HECTD2: variants seen among roughly 807,000 people sequenced by gnomAD.
HECTD2 encodes probable E3 ubiquitin-protein ligase HECTD2.
In HECTD2, 35 loss-of-function variants were observed where a neutral mutation model predicts 103.2. That is an observed-to-expected ratio of 0.34 (90% confidence interval 0.26 to 0.45). The LOEUF is 0.45. HECTD2 is among the 20% of genes least tolerant of loss of function. The pLI, the probability that HECTD2 is intolerant of heterozygous loss-of-function variation, is 1.00. For missense variants in HECTD2, 596 were observed against 937.4 expected (o/e 0.64, Z 4.76); for synonymous variants, 281 against 329.9 (o/e 0.85, Z 1.61).
At chr10:91,410,655 G>C in intron 1 of HECTD2, 79 bp downstream of exon 1, 1 of 1,272,088 alleles carries the variant, frequency 7.9e-7, no homozygotes, top group Non-Finnish European at 1.0e-6. Flanking sequence ...GGGCCGTCAG[G>C]AGGCCTGCGT....
At chr10:91,421,987 T>C (rs1489126243) in intron 1 of HECTD2, among the ~76,000 whole-genome samples, 6 of 152,184 alleles carry the variant, frequency 3.9e-5, no homozygotes, top group Non-Finnish European at 5.9e-5. Flanking sequence ...TATTACTATC[T>C]CTATTCAAAT....
In HECTD2 at chr10:91,482,971, C is replaced by A; in HGVS notation, c.716C>A (p.Pro239His). ...TATCTTTAATATCTTTTTCAGAATC[C>A]TCAGTTTAATAACACATCTACGTAT... is the stretch of plus-strand genomic sequence containing the variant. ...LRAYFILLQN[P>H]QFNNTSTYVI... The change falls in exon 8 of 21, where the codon CCT becomes CAT. Residue 239 changes from proline to histidine, a missense_variant. Around this residue, in one of 4 missense-constraint regions of HECTD2, gnomAD observed 303 missense variants for 522.5 expected, o/e 0.58. Transcript: ENST00000298068. 1 of 1,431,770 alleles carries A rather than the reference C, an allele frequency of 7.0e-7. No individual in the cohort carries two copies. Among genetic ancestry groups the A allele is most frequent in the South Asian group, 1.2e-5 (1 of 80,542 alleles). 88.7% of individuals were successfully genotyped at this position (1,431,770 alleles called of 1,614,324 possible). A position where few individuals can be genotyped will look rare whatever the true frequency, so the allele number is the denominator to read the frequency against.
intron 6 of HECTD2, among the ~76,000 whole-genome samples, chr10:91,479,665 A>G (rs534210187): frequency 3.9e-5 from 6 of 152,276 alleles, no homozygotes; most frequent in Admixed American, 2.6e-4. Context: ...TTCTTTTCTG[A>G]GCATTTATGT....
chr10:91,424,655 T>C (rs1351308326), intron 1 of HECTD2, among the ~76,000 whole-genome samples: 3 of 152,122 alleles, frequency 2.0e-5, no homozygotes, highest in Non-Finnish European at 4.4e-5. Flanking sequence ...TGTTATTTTG[T>C]GAAAGATGTG....
intron 5 of HECTD2, among the ~76,000 whole-genome samples, chr10:91,475,122 T>C (rs1410445083): frequency 2.0e-5 from 3 of 152,218 alleles, no homozygotes; most frequent in Non-Finnish European, 4.4e-5. Flanking sequence ...ATTGAGTGTT[T>C]TCGGCAGGGA....
At chr10:91,489,831 G>A (rs1846400120) in intron 11 of HECTD2, 2 of 152,142 alleles carry the variant, frequency 1.3e-5, no homozygotes, top group South Asian at 4.1e-4. Flanking sequence ...GCCTTAAATT[G>A]TAGATTTGTG....
intron 14 of HECTD2, among the ~76,000 whole-genome samples, 177 bp downstream of exon 14, chr10:91,493,685 A>C (rs561172027): frequency 6.6e-6 from 1 of 152,146 alleles, no homozygotes; most frequent in East Asian, 1.9e-4. Flanking sequence ...AGTAGACTTA[A>C]TTGAAAGAAA....
At position 91,496,289 on chromosome 10, in the gene HECTD2, A is replaced by C; in HGVS notation, c.1597A>C (p.Ser533Arg). 6.2e-7 allele frequency: 1 copy of C among 1,610,966 alleles called. No homozygotes were observed. The highest frequency in any genetic ancestry group is 8.5e-7 in the Non-Finnish European group (1 of 1,177,272). Residue 533 changes from serine to arginine, a missense_variant, in exon 15 of 21, where the codon AGC becomes CGC. By Grantham distance (110) the Ser-to-Arg change is moderately radical. Around this residue, in one of 4 missense-constraint regions of HECTD2, gnomAD observed 303 missense variants for 522.5 expected, o/e 0.58. Coordinates refer to ENST00000298068, the MANE Select transcript of HECTD2 (RefSeq NM_182765.6). ...FPPCCYKKLL[S>R]PPIIPSDQNI... ...TCCCTGCTGTTACAAGAAATTATTG[A>C]GCCCTCCCATCATTCCTAGTGATCA...
chr10:91,425,660 A>G (rs1388712303), intron 2 of HECTD2, among the ~76,000 whole-genome samples: 1 of 150,774 alleles, frequency 6.6e-6, no homozygotes, highest in Non-Finnish European at 1.5e-5. Flanking sequence ...TAAATAAAAT[A>G]ATATACATAT....
chr10:91,504,783 A>G (rs1340482863), intron 20 of HECTD2, among the ~76,000 whole-genome samples: 1 of 151,928 alleles, frequency 6.6e-6, no homozygotes, highest in Non-Finnish European at 1.5e-5. Context: ...AGAACACCAC[A>G]AAGATACTCC....
rs577682549 is a variant in HECTD2, at chr10:91,462,172, C to T, written c.588C>T (p.Thr196=). 6.3e-7 allele frequency: 1 copy of T among 1,582,142 alleles called. No homozygotes were observed. Among genetic ancestry groups the T allele is most frequent in the African/African-American group, 1.3e-5 (1 of 74,092 alleles). The change falls in exon 5 of 21, where the codon ACC becomes ACT. Residue 196 remains threonine (T), a synonymous_variant. Coordinates refer to ENST00000298068, the MANE Select transcript of HECTD2 (RefSeq NM_182765.6). ...AATTTGTGAATGCTGTGTATGATAC[C>T]TTACTTAATACTGTAAGTATTATGA... ...NAKFVNAVYD[T]LLNTPQDVQK...
intron 20 of HECTD2, among the ~76,000 whole-genome samples, chr10:91,509,779 G>A (rs999167896): frequency 5.3e-5 from 8 of 152,124 alleles, no homozygotes; most frequent in Non-Finnish European, 1.2e-4. Flanking sequence ...CTACTTGAGC[G>A]GGTAGGGTGG....
intron 20 of HECTD2, among the ~76,000 whole-genome samples, chr10:91,504,238 A>G (rs1356267705): frequency 2.6e-5 from 4 of 152,252 alleles, no homozygotes. Context: ...CTCCAAAGGA[A>G]CGCAGCTCCT....
chr10:91,465,874 G>C (rs116246243), intron 5 of HECTD2, among the ~76,000 whole-genome samples: 2,144 of 152,152 alleles, frequency 0.014, 47 homozygotes, highest in African/African-American at 0.049. Context: ...ATGTTCATGA[G>C]AGGTATTGAT....
Position 91,487,813 on chromosome 10 carries a change from A to G in HECTD2, c.1191+35A>G, listed in dbSNP as rs1169994855. 2.8e-6 allele frequency: 3 copies of G among 1,065,568 alleles called. No individual in the cohort carries two copies. Among genetic ancestry groups the G allele is most frequent in the Non-Finnish European group, 4.3e-6 (3 of 705,826 alleles). The allele number at this position is 1,065,568 out of a possible 1,614,324, so 66.0% of individuals were successfully genotyped here. On this transcript the variant is annotated intron_variant, in intron 11 of 20. Coordinates refer to ENST00000298068, the MANE Select transcript of HECTD2 (RefSeq NM_182765.6). The surrounding 1 kb of genome is among the most constrained non-coding windows in gnomAD (Gnocchi z 4.1). ...CTATAAAAACATATTTATGCTGACT[A>G]TAATCAGTATAGTAAATAATTTAAT...
At chr10:91,481,636 CT>C (rs745613587) in intron 7 of HECTD2, among the ~76,000 whole-genome samples, 42 of 151,332 alleles carry the variant, frequency 2.8e-4, no homozygotes, top group Non-Finnish European at 6.2e-4. Context: ...AGATAATGAA[CT>C]TTTTCCTCTT....
chr10:91,446,212 G>A (rs1296683299), intron 2 of HECTD2, among the ~76,000 whole-genome samples: 1 of 149,902 alleles, frequency 6.7e-6, no homozygotes, highest in Non-Finnish European at 1.5e-5. Context: ...TGCAGCCTCT[G>A]CTGTGCCATA....
At chr10:91,462,222 C>G (rs1845379902) in intron 5 of HECTD2, 38 bp downstream of exon 5, 1 of 1,525,732 alleles carries the variant, frequency 6.6e-7, no homozygotes, top group East Asian at 2.5e-5. Flanking sequence ...TATTCTGTGT[C>G]TCTTCTGTAT....
chr10:91,411,230 G>C (rs1842906455), intron 1 of HECTD2, among the ~76,000 whole-genome samples: 2 of 152,076 alleles, frequency 1.3e-5, no homozygotes, highest in Non-Finnish European at 2.9e-5. Flanking sequence ...ATCTTCGTAA[G>C]GGTTATTTGG....
Sources: allele counts gnomAD v4.1 joint callset (sites outside exome capture counted in the v4.1 genomes callset), GRCh38; gene constraint gnomAD v4.1.1; regional missense constraint gnomAD v4.1.1; non-coding constraint Gnocchi (gnomAD v3.1); transcripts MANE v1.5; gene names NCBI Gene and HGNC (gene_info 2026-07-23, HGNC 2026-07-21).